The following GPATCH1 variants were observed in gnomAD, a reference collection of about 807,000 sequenced individuals.
GPATCH1 encodes the protein G patch domain-containing protein 1.
Under a neutral mutation model 114.9 loss-of-function variants are expected in GPATCH1, and 73 were observed. That is an observed-to-expected ratio of 0.64 (90% CI 0.53 to 0.77). GPATCH1 has a LOEUF of 0.77. Ranked by LOEUF, GPATCH1 falls within the 30% of genes least tolerant of loss-of-function variation. The probability of loss-of-function intolerance (pLI) is 0.00; values close to 1 mark genes in which losing one functional copy is unlikely to be tolerated. For synonymous variants in GPATCH1, 391 were observed against 428.4 expected, an observed-to-expected ratio of 0.91 and a Z score of 1.08; for missense variants, 1,058 against 1,144.3, an observed-to-expected ratio of 0.92 and a Z score of 1.09.
intron 10 of GPATCH1, among the ~76,000 whole-genome samples, chr19:33,109,004 G>C (rs906192471): frequency 2.0e-5 from 3 of 152,078 alleles, no homozygotes; most frequent in African/African-American, 7.2e-5. Flanking sequence ...ATGATCTCTT[G>C]AGCCCAGGAG....
intron 15 of GPATCH1, among the ~76,000 whole-genome samples, chr19:33,114,827 G>A (rs1385893449): frequency 2.3e-5 from 3 of 128,112 alleles, no homozygotes; most frequent in Admixed American, 9.1e-5. Flanking sequence ...TTTTGAGATG[G>A]AGTCTTGGTC....
At chr19:33,127,823 C>T (rs560279424) in intron 19 of GPATCH1, among the ~76,000 whole-genome samples, 1 of 151,960 alleles carries the variant, frequency 6.6e-6, no homozygotes, top group Admixed American at 6.6e-5. Context: ...GTTCTCCTAC[C>T]TCAGCCTCCC....
chr19:33,083,082 C>CA (rs921389564), intron 1 of GPATCH1, among the ~76,000 whole-genome samples: 30 of 143,496 alleles, frequency 2.1e-4, no homozygotes, highest in Admixed American at 9.0e-4. Context: ...ACTAAAAATA[C>CA]AAAAAAAAAT....
intron 19 of GPATCH1, 106 bp downstream of exon 19, chr19:33,126,839 G>C (rs755548447): frequency 1.1e-6 from 1 of 952,024 alleles, no homozygotes; most frequent in Non-Finnish European, 1.6e-6. Context: ...CTGGTAGGCC[G>C]GGTGCAGTGG....
In GPATCH1 at chr19:33,104,015, GCAGA is replaced by G. The variant is rs1421837430; in HGVS notation, c.1080+2450_1080+2453del. Among the ~76,000 whole-genome samples the G allele has an allele frequency of 5.3e-5, 8 of 152,102 alleles. No individual in the cohort carries two copies. In the South Asian group the frequency reaches 1.0e-3, roughly 20 times the overall value. On this transcript the variant is annotated intron_variant, in intron 9 of 19. Transcript: ENST00000170564. ...AGAGGTCAAACAGAACAATGATTTG[GCAGA>G]CAGACAGAGAGAAATACTTTCAATC...
Position 33,126,573 on chromosome 19 carries a change from AT to A in GPATCH1, c.2620-12del. The A allele has an allele frequency of 6.2e-7, 1 of 1,611,276 alleles. No homozygotes were observed. On this transcript the variant is annotated splice_polypyrimidine_tract_variant and intron_variant, in intron 18 of 19. Transcript: ENST00000170564. ...AATACATTTGTTTTCCCCCACCACT[AT>A]TTGTTTTTTACAGAAAAAGAAACAC...
intron 9 of GPATCH1, among the ~76,000 whole-genome samples, chr19:33,104,100 C>T (rs953929303): frequency 1.1e-4 from 16 of 151,324 alleles, no homozygotes; most frequent in South Asian, 6.3e-4. Flanking sequence ...GAGGCCAATG[C>T]GGGCAGATCG....
chr19:33,116,598 C>T (rs1033447544), intron 15 of GPATCH1, among the ~76,000 whole-genome samples: 3 of 152,184 alleles, frequency 2.0e-5, no homozygotes, highest in African/African-American at 7.2e-5. Context: ...GGCGCGATCT[C>T]AGCTCACTGC....
intron 17 of GPATCH1, among the ~76,000 whole-genome samples, chr19:33,119,945 AT>A (rs1972958942): frequency 6.9e-6 from 1 of 144,658 alleles, no homozygotes; most frequent in Non-Finnish European, 1.5e-5. Context: ...ATATTTTTAT[AT>A]TTTATAAATT....
chr19:33,125,289 G>A (rs1973028403), intron 18 of GPATCH1, 87 bp downstream of exon 18: 1 of 1,448,290 alleles, frequency 6.9e-7, no homozygotes, highest in Admixed American at 2.4e-5. Flanking sequence ...CAGCTGAAGA[G>A]CGGATCTGGT....
chr19:33,126,336 G>T (rs567795901), intron 18 of GPATCH1, among the ~76,000 whole-genome samples: 6 of 152,316 alleles, frequency 3.9e-5, no homozygotes, highest in Non-Finnish European at 8.8e-5. Flanking sequence ...GTTACGATAG[G>T]TCCTGTCTGC....
At chr19:33,125,005 T>C (rs1973024017) in intron 17 of GPATCH1, 100 bp from the exon 18 acceptor site, 1 of 1,263,180 alleles carries the variant, frequency 7.9e-7, no homozygotes, top group African/African-American at 1.5e-5. Flanking sequence ...AAACATTCCA[T>C]CTACACTAGA....
chr19:33,081,794 G>A (rs1254205520), intron 1 of GPATCH1, among the ~76,000 whole-genome samples: 1 of 152,122 alleles, frequency 6.6e-6, no homozygotes, highest in Non-Finnish European at 1.5e-5. Flanking sequence ...ATCTTACTTG[G>A]TAGGGTAAAG....
chr19:33,111,809 G>C lies in GPATCH1; in HGVS notation c.1671G>C (p.Leu557=), dbSNP rs1239172564. The C allele has an allele frequency of 1.2e-6, 2 of 1,614,102 alleles. No individual in the cohort carries two copies. The highest frequency in any genetic ancestry group is 1.7e-6 in the Non-Finnish European group (2 of 1,179,954). ...ERDEFARAAL[L]YASSHSTLSS... is the part of the protein sequence containing the mutation. Reference sequence around the variant, plus strand: ...ATGAGTTTGCCCGGGCGGCCCTGCTGTACGCATCTTCCCATTCGACCTTGT... The same window carrying C: ...ATGAGTTTGCCCGGGCGGCCCTGCTCTACGCATCTTCCCATTCGACCTTGT... The change falls in exon 12 of 20, where the codon CTG becomes CTC. Residue 557 remains leucine (L), a synonymous_variant. Transcript: ENST00000170564.
intron 17 of GPATCH1, among the ~76,000 whole-genome samples, chr19:33,120,274 TTATA>T (rs940098775): frequency 8.9e-6 from 1 of 112,160 alleles, no homozygotes; most frequent in Non-Finnish European, 1.8e-5. Flanking sequence ...TATATAACAA[TTATA>T]TATAAAAATT....
At chr19:33,089,839 C>T (rs1028405175) in intron 2 of GPATCH1, among the ~76,000 whole-genome samples, 1 of 152,088 alleles carries the variant, frequency 6.6e-6, no homozygotes, top group African/African-American at 2.4e-5. Context: ...AGGCTGGTCT[C>T]GAACTCCTGA....
In GPATCH1 at chr19:33,096,333, C is replaced by G. The variant is rs767053912; in HGVS notation, c.739C>G (p.Leu247Val). The change falls in exon 7 of 20, where the codon CTG becomes GTG. Residue 247 changes from leucine (L) to valine (V), a missense_variant. Leu to Val is a conservative substitution (Grantham distance 32). Transcript: ENST00000170564. ...CAAGGGCCTGGATCCCCACCAGGCA[C>G]TGTTTGGAACTTCGGGAGAACATTT... ...AYKGLDPHQA[L>V]FGTSGEHFNL... 1.2e-6 allele frequency: 2 copies of G among 1,614,158 alleles called. No individual in the cohort carries two copies. Among genetic ancestry groups the G allele is most frequent in the African/African-American group, 1.3e-5 (1 of 75,028 alleles).
rs771951890 is a variant in GPATCH1 at position 33,119,078 on chromosome 19, G to A, written c.2482G>A (p.Glu828Lys). Reference protein sequence around the residue: ...PIQKMQIDEREEFGPRLPPVF... With the variant: ...PIQKMQIDERKEFGPRLPPVF... ...ACAAAAGATGCAGATAGATGAAAGA[G>A]AAGAGTTCGGCCCGCGGCTGCCTCC... is the stretch of plus-strand genomic sequence containing the variant. The change falls in exon 17 of 20, where the codon GAA becomes AAA. Residue 828 changes from glutamate (E) to lysine (K), a missense_variant. Physicochemically the swap from Glu to Lys is moderately conservative, Grantham distance 56. Transcript: ENST00000170564. 3.7e-6 allele frequency: 6 copies of A among 1,613,226 alleles called. No individual in the cohort carries two copies. The Admixed American group carries it at 1.0e-4, about 27-fold the overall frequency.
At chr19:33,129,535 C>T (rs1024711525) in intron 19 of GPATCH1, among the ~76,000 whole-genome samples, 3 of 152,126 alleles carry the variant, frequency 2.0e-5, no homozygotes, top group South Asian at 2.1e-4. Flanking sequence ...TTAAAAATTG[C>T]TTGTATTCTC....
Sources: gnomAD v4.1 joint callset for allele counts (sites outside exome capture counted in the v4.1 genomes callset) on GRCh38, gnomAD v4.1.1 for gene constraint, MANE v1.5 for transcripts, NCBI Gene and HGNC (gene_info 2026-07-23, HGNC 2026-07-21) for gene names.